Variants in UGGT2 observed in about 807,000 individuals in gnomAD.
UGGT2 encodes UDP-glucose glycoprotein glucosyltransferase 2, also known as UDP-glucose:glycoprotein glucosyltransferase 2.
In UGGT2, 180 loss-of-function variants were observed where a neutral mutation model predicts 192.1. The observed-to-expected ratio is 0.94, with a 90% confidence interval of 0.83 to 1.06. The LOEUF (loss-of-function observed/expected upper bound fraction) is 1.06, where lower values mean the gene tolerates loss of function less well. Among genes scored for constraint, UGGT2 ranks in the 50% least tolerant of loss-of-function variants. The pLI is 0.00. For missense variants in UGGT2, 1,849 were observed against 1,795.7 expected (o/e 1.03, Z -0.54); for synonymous variants, 580 against 591.0 (o/e 0.98, Z 0.27).
chr13:96,021,100 C>T (rs1364497131), intron 4 of UGGT2, among the ~76,000 whole-genome samples: 2 of 152,170 alleles, frequency 1.3e-5, no homozygotes, highest in African/African-American at 4.8e-5. Context: ...CAATAAAACA[C>T]ACTTGCTCCC....
intron 38 of UGGT2, among the ~76,000 whole-genome samples, chr13:95,829,347 G>A (rs1886411400): frequency 6.6e-6 from 1 of 152,080 alleles, no homozygotes; most frequent in Admixed American, 6.6e-5. Flanking sequence ...AAGAAATAAA[G>A]GGTATTCAAT....
intron 2 of UGGT2, among the ~76,000 whole-genome samples, chr13:96,027,124 A>T (rs1432993183): frequency 6.6e-6 from 1 of 152,226 alleles, no homozygotes; most frequent in African/African-American, 2.4e-5. Context: ...TAATATTCTT[A>T]AAATACTTAT....
At chr13:95,813,643 C>T (rs950871731) in intron 38 of UGGT2, among the ~76,000 whole-genome samples, 27 of 152,308 alleles carry the variant, frequency 1.8e-4, no homozygotes, top group Admixed American at 1.2e-3. Flanking sequence ...TCCAAGCAAG[C>T]TGTGGAGCAA....
intron 1 of UGGT2, among the ~76,000 whole-genome samples, chr13:96,047,149 C>G (rs1333018741): frequency 6.6e-6 from 1 of 152,206 alleles, no homozygotes. Flanking sequence ...AGTTTGAGAT[C>G]TGAGAACAGA....
chr13:95,949,240 C>T, intron 13 of UGGT2, 95 bp downstream of exon 13: 1 of 1,206,922 alleles, frequency 8.3e-7, no homozygotes, highest in Non-Finnish European at 1.1e-6. Flanking sequence ...AACTTCCTTA[C>T]AACTCAGATG....
intron 29 of UGGT2, among the ~76,000 whole-genome samples, chr13:95,875,875 CA>C (rs770432143): frequency 4.6e-5 from 7 of 152,026 alleles, no homozygotes; most frequent in Non-Finnish European, 1.0e-4. Flanking sequence ...TTGTTGAGCA[CA>C]ACGTGTGGTA....
At chr13:96,044,617 G>GA (rs1279481253) in intron 1 of UGGT2, among the ~76,000 whole-genome samples, 1 of 151,924 alleles carries the variant, frequency 6.6e-6, no homozygotes, top group Non-Finnish European at 1.5e-5. Context: ...TAAACAAGAA[G>GA]AAAAAAGAGA....
chr13:95,974,818 A>G (rs1377895577), intron 10 of UGGT2, among the ~76,000 whole-genome samples: 1 of 152,184 alleles, frequency 6.6e-6, no homozygotes, highest in East Asian at 1.9e-4. Flanking sequence ...GCGGTGGCTC[A>G]CACCTGTTAT....
intron 2 of UGGT2, among the ~76,000 whole-genome samples, chr13:96,027,605 T>C (rs1197762203): frequency 3.3e-5 from 5 of 152,226 alleles, no homozygotes. Context: ...TGACTCATCT[T>C]ATTCCCTTCA....
intron 5 of UGGT2, among the ~76,000 whole-genome samples, chr13:96,005,836 T>C (rs533031408): frequency 2.0e-3 from 300 of 152,216 alleles, no homozygotes; most frequent in Non-Finnish European, 3.7e-3. Flanking sequence ...AAGAAACACA[T>C]TGTCTTTGGG....
At chr13:96,006,623 CAAAAAAAAAAAA>C (rs61256349) in intron 5 of UGGT2, among the ~76,000 whole-genome samples, 46 of 93,444 alleles carry the variant, frequency 4.9e-4, no homozygotes, top group Admixed American at 5.7e-4. Context: ...GATTCTGCCT[CAAAAAAAAAAAA>C]AAAAAAAAAA....
intron 15 of UGGT2, among the ~76,000 whole-genome samples, chr13:95,943,781 ACTTAT>A (rs1594399421): frequency 6.6e-6 from 1 of 151,918 alleles, no homozygotes; most frequent in African/African-American, 2.4e-5. Context: ...TATTTCCTTT[ACTTAT>A]CTTATTGCAT....
chr13:95,966,653 AT>A (rs2050589218), intron 12 of UGGT2, among the ~76,000 whole-genome samples: 1 of 152,212 alleles, frequency 6.6e-6, no homozygotes, highest in Admixed American at 6.5e-5. Context: ...ACATAAGAAA[AT>A]ATCACATGAA....
chr13:95,902,603 T>C (rs767439934), intron 21 of UGGT2, among the ~76,000 whole-genome samples: 1 of 151,810 alleles, frequency 6.6e-6, no homozygotes, highest in Non-Finnish European at 1.5e-5. Context: ...CTTAAGTACA[T>C]ATCCTAACTA....
intron 1 of UGGT2, among the ~76,000 whole-genome samples, chr13:96,039,373 G>A (rs1363388868): frequency 6.6e-6 from 1 of 152,056 alleles, no homozygotes; most frequent in East Asian, 1.9e-4. Context: ...ATTTCACCAA[G>A]AGCCACATCA....
chr13:96,049,271 A>G (rs1188572550), intron 1 of UGGT2, among the ~76,000 whole-genome samples: 1 of 152,258 alleles, frequency 6.6e-6, no homozygotes, highest in Non-Finnish European at 1.5e-5. Context: ...GCCTTTGACA[A>G]AATTCAACAG....
At chr13:95,995,824 T>C in intron 7 of UGGT2, 1 of 472,156 alleles carries the variant, frequency 2.1e-6, no homozygotes, top group Non-Finnish European at 3.8e-6. Flanking sequence ...CAAAACATTA[T>C]GAGTTATCTC....
intron 38 of UGGT2, among the ~76,000 whole-genome samples, chr13:95,828,973 G>A (rs1886354165): frequency 6.6e-6 from 1 of 152,176 alleles, no homozygotes; most frequent in Non-Finnish European, 1.5e-5. Context: ...TATCCACCAT[G>A]ATCAAGTGGG....
At chr13:95,854,204 T>C in intron 35 of UGGT2, 111 bp downstream of exon 35, 2 of 1,168,794 alleles carry the variant, frequency 1.7e-6, no homozygotes, top group Non-Finnish European at 2.4e-6. Flanking sequence ...ATGTAATTGG[T>C]TGCTTTTATT....
Sources: gnomAD v4.1 joint callset for allele counts (sites outside exome capture counted in the v4.1 genomes callset) on GRCh38, gnomAD v4.1.1 for gene constraint, MANE v1.5 for transcripts, NCBI Gene and HGNC (gene_info 2026-07-23, HGNC 2026-07-21) for gene names.